Variants in GNL3L observed in about 807,000 individuals in gnomAD.
The protein encoded by GNL3L is G protein nucleolar 3 like.
GNL3L carries 4 observed loss-of-function variants against 42.9 expected under a neutral mutation model. That is an observed-to-expected ratio of 0.09 (90% CI 0.05 to 0.21). The LOEUF (loss-of-function observed/expected upper bound fraction) is 0.21, where lower values mean the gene tolerates loss of function less well. Ranked by LOEUF, GNL3L falls within the 10% of genes least tolerant of loss-of-function variation. GNL3L has a pLI of 1.00. For synonymous variants in GNL3L, 159 were observed against 176.3 expected, an observed-to-expected ratio of 0.90 and a Z score of 0.78; for missense variants, 412 against 481.7, an observed-to-expected ratio of 0.86 and a Z score of 1.36.
the GNL3L span, among the ~76,000 whole-genome samples, chrX:54,627,562 T>G: frequency 1.8e-5 from 2 of 111,633 alleles, no homozygotes; most frequent in Non-Finnish European, 3.8e-5. Context: ...ATGGTTTTGG[T>G]CTGTTTTTAC....
chrX:54,645,272 G>A, the GNL3L span, among the ~76,000 whole-genome samples: 1 of 111,629 alleles, frequency 9.0e-6, no homozygotes, highest in Non-Finnish European at 1.9e-5. Context: ...AATGGGGCTT[G>A]CACCTTTTCT....
chrX:54,560,013 C>G (rs1223489795), intron 15 of GNL3L, among the ~76,000 whole-genome samples: 1 of 110,559 alleles, frequency 9.0e-6, no homozygotes, highest in African/African-American at 3.3e-5. Context: ...GAACCTAACC[C>G]AGCCTGGGGA....
At chrX:54,613,374 G>A (rs1452530838) in intron 16 of GNL3L, among the ~76,000 whole-genome samples, 2 of 111,267 alleles carry the variant, frequency 1.8e-5, no homozygotes, top group Non-Finnish European at 3.8e-5. Flanking sequence ...ATTGGGTTTC[G>A]TCTTTCTCTG....
At chrX:54,589,987 T>A (rs1276862330) in intron 16 of GNL3L, among the ~76,000 whole-genome samples, 2 of 110,475 alleles carry the variant, frequency 1.8e-5, no homozygotes, top group African/African-American at 6.6e-5. Context: ...TCGCCCAGGC[T>A]GGAGTGTAGT....
In GNL3L at chrX:54,562,947, C is replaced by G. The variant is rs901737527; in HGVS notation, c.*2345C>G. On this transcript the variant is annotated 3_prime_UTR_variant, in exon 16 of 16. Transcript: ENST00000360845. ...TTAACAAAGGAAGATTGATTAAGCC[C>G]CTACTTTGTGCCAGTCTCTGTTATC... Among the ~76,000 whole-genome samples, 1 of 111,417 alleles carries G rather than the reference C, an allele frequency of 9.0e-6. No individual in the cohort carries two copies. Among genetic ancestry groups the G allele is most frequent in the Non-Finnish European group, 1.9e-5 (1 of 53,137 alleles).
At chrX:54,557,881 G>A (rs1297625104) in intron 14 of GNL3L, among the ~76,000 whole-genome samples, 2 of 109,898 alleles carry the variant, frequency 1.8e-5, no homozygotes, top group African/African-American at 6.6e-5. Context: ...GTGAACCACT[G>A]CGCCTGCCAG....
chrX:54,598,065 AGTT>A (rs1258973047), intron 16 of GNL3L, among the ~76,000 whole-genome samples: 3 of 111,468 alleles, frequency 2.7e-5, no homozygotes, highest in African/African-American at 9.8e-5. Flanking sequence ...GTGTGTAGTT[AGTT>A]GTTAAATTGG....
At chrX:54,635,553 T>C in the GNL3L span, among the ~76,000 whole-genome samples, 1 of 111,179 alleles carries the variant, frequency 9.0e-6, no homozygotes, top group Non-Finnish European at 1.9e-5. Context: ...AAATTCTCCT[T>C]TTTCCTCTGA....
rs913576043 is a variant in GNL3L, at chrX:54,619,180, A to G, written c.*46-1665A>G. ...TACACAAGTATATATATATACAAAG[A>G]CATTTATTACATTATTGTTCACAAT... On this transcript the variant is annotated intron_variant, in intron 16 of 16. Coordinates refer to the GNL3L transcript ENST00000674498. 5.4e-5 allele frequency among the ~76,000 whole-genome samples: 6 copies of G among 111,535 alleles called. No homozygotes were observed. In the South Asian group the frequency reaches 2.3e-3, roughly 42 times the overall value.
At chrX:54,554,832 G>A (rs1290290782) in intron 14 of GNL3L, 140 bp downstream of exon 14, 7 of 496,565 alleles carry the variant, frequency 1.4e-5, no homozygotes, top group East Asian at 7.2e-5. Flanking sequence ...GCCTGGCCTA[G>A]TATATCCTTT....
chrX:54,620,690 T>C (rs1016554100), intron 16 of GNL3L, among the ~76,000 whole-genome samples: 8 of 111,961 alleles, frequency 7.1e-5, no homozygotes, highest in African/African-American at 2.6e-4. Context: ...TAGCTCTATT[T>C]TTAGTTTTTA....
At chrX:54,639,033 C>G in the GNL3L span, among the ~76,000 whole-genome samples, 2 of 111,714 alleles carry the variant, frequency 1.8e-5, no homozygotes, top group Admixed American at 1.9e-4. Flanking sequence ...GATCCGCATA[C>G]ACTTCTCTAG....
chrX:54,602,479 T>C (rs773477720), intron 16 of GNL3L, among the ~76,000 whole-genome samples: 110 of 110,451 alleles, frequency 1.0e-3, no homozygotes, highest in Admixed American at 1.5e-3. Flanking sequence ...GGAGGTGCTT[T>C]AGAGTTTGTG....
intron 16 of GNL3L, among the ~76,000 whole-genome samples, chrX:54,604,243 T>A (rs1289043172): frequency 8.9e-6 from 1 of 112,049 alleles, no homozygotes; most frequent in Non-Finnish European, 1.9e-5. Context: ...TCTCATGGAT[T>A]TTACCTTTTA....
chrX:54,618,437 A>G (rs1321290394), intron 16 of GNL3L, among the ~76,000 whole-genome samples: 1 of 111,474 alleles, frequency 9.0e-6, no homozygotes, highest in African/African-American at 3.3e-5. Context: ...CAACAGATCC[A>G]TGTTCTAGGT....
chrX:54,640,498 A>G, the GNL3L span, among the ~76,000 whole-genome samples: 2 of 112,021 alleles, frequency 1.8e-5, no homozygotes, highest in African/African-American at 6.5e-5. Flanking sequence ...TCTCTCAGCA[A>G]TGGTTGTAGA....
intron 16 of GNL3L, among the ~76,000 whole-genome samples, chrX:54,604,959 C>T (rs1926043387): frequency 9.0e-6 from 1 of 111,470 alleles, no homozygotes; most frequent in African/African-American, 3.3e-5. Flanking sequence ...CTGATTTGGC[C>T]TGGGCTCATT....
chrX:54,603,615 G>A (rs1326724930), intron 16 of GNL3L, among the ~76,000 whole-genome samples: 2 of 111,557 alleles, frequency 1.8e-5, no homozygotes, highest in African/African-American at 6.5e-5. Flanking sequence ...ACTGTGAAGG[G>A]TACAACATCA....
intron 7 of GNL3L, among the ~76,000 whole-genome samples, chrX:54,543,635 G>A (rs1924689361): frequency 1.8e-5 from 2 of 111,091 alleles, no homozygotes; most frequent in South Asian, 7.6e-4. Context: ...GGGCAGAGGA[G>A]CACATGGGCT....
Sources: allele counts gnomAD v4.1 joint callset (sites outside exome capture counted in the v4.1 genomes callset), GRCh38; gene constraint gnomAD v4.1.1; transcripts MANE v1.5; gene names NCBI Gene and HGNC (gene_info 2026-07-23, HGNC 2026-07-21).